ZFAT: variants seen among roughly 807,000 people sequenced by gnomAD.
ZFAT encodes zinc finger protein ZFAT.
A neutral mutation model predicts 117.7 loss-of-function variants in ZFAT; 64 were observed. The ratio of observed to expected loss-of-function variants is 0.54; its 90% CI spans 0.44 to 0.67. The LOEUF (loss-of-function observed/expected upper bound fraction) is 0.67, where lower values mean the gene tolerates loss of function less well. Ranked by LOEUF, ZFAT falls within the 30% of genes least tolerant of loss-of-function variation. The probability of loss-of-function intolerance (pLI) is 0.00; values close to 1 mark genes in which losing one functional copy is unlikely to be tolerated. For missense variants in ZFAT, 1,433 were observed against 1,584.5 expected (o/e 0.90, Z 1.62); for synonymous variants, 679 against 615.0 (o/e 1.10, Z -1.54).
At chr8:134,696,796 C>T (rs541138832) in intron 1 of ZFAT, among the ~76,000 whole-genome samples, 2 of 152,348 alleles carry the variant, frequency 1.3e-5, no homozygotes, top group South Asian at 2.1e-4. Context: ...TCTGGGAGCC[C>T]GCTCCAGTCC....
chr8:134,659,278 G>T (rs928251676), intron 1 of ZFAT, among the ~76,000 whole-genome samples: 2 of 152,112 alleles, frequency 1.3e-5, no homozygotes, highest in Non-Finnish European at 2.9e-5. Flanking sequence ...CTTCCAGCCC[G>T]CCTGCGTCTT....
At chr8:134,494,197 T>C (rs1285419609) in intron 15 of ZFAT, among the ~76,000 whole-genome samples, 1 of 152,200 alleles carries the variant, frequency 6.6e-6, no homozygotes, top group Non-Finnish European at 1.5e-5. Flanking sequence ...GCTGTGCGGC[T>C]GTTGGGGTTG....
At chr8:134,594,813 C>T (rs576375998) in intron 7 of ZFAT, 1 of 152,282 alleles carries the variant, frequency 6.6e-6, no homozygotes, top group South Asian at 2.1e-4. Flanking sequence ...TTACCAACTC[C>T]CAAGCTCAGA....
At chr8:134,588,485 G>A (rs1298322681) in intron 8 of ZFAT, 90 bp from the exon 9 acceptor site, 3 of 1,374,342 alleles carry the variant, frequency 2.2e-6, no homozygotes, top group East Asian at 2.6e-5. Context: ...GCACCCACAG[G>A]AGGAATCAAG....
chr8:134,541,418 A>T (rs146315209), intron 11 of ZFAT, among the ~76,000 whole-genome samples: 23 of 152,316 alleles, frequency 1.5e-4, no homozygotes, highest in African/African-American at 5.5e-4. Context: ...CAGAGTCCCC[A>T]CCAGCAAGAA....
the ZFAT span, among the ~76,000 whole-genome samples, chr8:134,819,120 A>G: frequency 6.6e-6 from 1 of 152,218 alleles, no homozygotes; most frequent in Non-Finnish European, 1.5e-5. Flanking sequence ...GTTAAGGACA[A>G]TAAAAAGACT....
intron 1 of ZFAT, among the ~76,000 whole-genome samples, chr8:134,665,060 C>A (rs1272316610): frequency 1.3e-5 from 2 of 152,252 alleles, no homozygotes; most frequent in Non-Finnish European, 2.9e-5. Flanking sequence ...CAGCCAAGAA[C>A]AGCCAGGTCC....
chr8:134,520,732 G>A (rs866245213), intron 13 of ZFAT, 151 bp downstream of exon 13: 16 of 618,644 alleles, frequency 2.6e-5, no homozygotes, highest in Middle Eastern at 2.6e-4. Context: ...CCCCTCAGAC[G>A]CGAGACATCA....
the ZFAT span, among the ~76,000 whole-genome samples, chr8:134,829,089 G>A: frequency 6.6e-6 from 1 of 152,182 alleles, no homozygotes; most frequent in Non-Finnish European, 1.5e-5. Flanking sequence ...AAACTACCTT[G>A]GATGAGGTTC....
At chr8:134,493,639 G>A (rs1204722784) in intron 15 of ZFAT, among the ~76,000 whole-genome samples, 4 of 152,244 alleles carry the variant, frequency 2.6e-5, no homozygotes, top group Non-Finnish European at 4.4e-5. Context: ...AAGAGACGGC[G>A]GGGCAGGGGG....
intron 3 of ZFAT, among the ~76,000 whole-genome samples, chr8:134,615,278 C>T (rs991857746): frequency 2.6e-5 from 4 of 152,148 alleles, no homozygotes; most frequent in African/African-American, 7.2e-5. Flanking sequence ...CCTCCACCTC[C>T]GGAGTTCAAG....
rs191383153 is a variant in ZFAT at position 134,489,082 on chromosome 8, T to C, written c.3493-10361A>G. Among the ~76,000 whole-genome samples, 1,317 of 149,492 alleles carry C rather than the reference T, an allele frequency of 8.8e-3. 17 individuals are homozygous for C. The highest frequency in any genetic ancestry group is 0.031 in the African/African-American group (1,260 of 40,652). ...CCATCAGGAACCAGATCATGAAGGA[T>C]CTTATAGGAATTTTAGTTTTACTCT... On this transcript the variant is annotated intron_variant, in intron 15 of 15. Transcript: ENST00000377838.
At chr8:134,768,131 C>A in the ZFAT span, among the ~76,000 whole-genome samples, 1 of 152,148 alleles carries the variant, frequency 6.6e-6, no homozygotes, top group Non-Finnish European at 1.5e-5. Context: ...TTTGTGGCAA[C>A]CCTCTGTTGA....
In ZFAT at chr8:134,555,494, G is replaced by T. The variant is rs147489231; in HGVS notation, c.2976+9839C>A. Among the ~76,000 whole-genome samples, 129 of 152,304 alleles carry T rather than the reference G, an allele frequency of 8.5e-4. 3 individuals carry two copies. In the East Asian group the frequency reaches 0.02, roughly 24 times the overall value. ...CTTTCAAAGGAGAGCAGCCAAGCCT[G>T]CTATATTAACTCTTTTCTACACAAT... On this transcript the variant is annotated intron_variant, in intron 11 of 15. Transcript: ENST00000377838.
chr8:134,822,473 C>T, the ZFAT span, among the ~76,000 whole-genome samples: 14 of 152,216 alleles, frequency 9.2e-5, no homozygotes, highest in African/African-American at 3.1e-4. Context: ...ATCTTCAACT[C>T]ACAGCTTGCA....
At chr8:134,656,082 T>C (rs564531382) in intron 2 of ZFAT, among the ~76,000 whole-genome samples, 3 of 152,202 alleles carry the variant, frequency 2.0e-5, no homozygotes, top group South Asian at 4.2e-4. Flanking sequence ...AAGTGGGCCA[T>C]GGAGAGTGTG....
At chr8:134,652,512 G>T (rs551392146) in intron 2 of ZFAT, among the ~76,000 whole-genome samples, 8 of 152,284 alleles carry the variant, frequency 5.3e-5, no homozygotes, top group Non-Finnish European at 1.0e-4. Context: ...TCATTATCAT[G>T]CATTGTGAGG....
intron 1 of ZFAT, among the ~76,000 whole-genome samples, chr8:134,682,913 T>C (rs1194450963): frequency 6.6e-6 from 1 of 152,172 alleles, no homozygotes; most frequent in Non-Finnish European, 1.5e-5. Flanking sequence ...AAACATTTCC[T>C]GAGTACCAGA....
chr8:134,526,943 C>T (rs1586645701), intron 12 of ZFAT, among the ~76,000 whole-genome samples: 2 of 152,122 alleles, frequency 1.3e-5, no homozygotes, highest in South Asian at 4.2e-4. Context: ...TGAAGACAGC[C>T]ACATCCTAAT....
Sources: gnomAD v4.1 joint callset for allele counts (sites outside exome capture counted in the v4.1 genomes callset) on GRCh38, gnomAD v4.1.1 for gene constraint, MANE v1.5 for transcripts, NCBI Gene and HGNC (gene_info 2026-07-23, HGNC 2026-07-21) for gene names.